The following SLAIN2 variants were observed in gnomAD, a reference collection of about 807,000 sequenced individuals.
SLAIN2 encodes SLAIN family member 2, also known as SLAIN motif-containing protein 2.
In SLAIN2, 31 loss-of-function variants were observed where a neutral mutation model predicts 56.6. The observed-to-expected ratio is 0.55, with a 90% confidence interval of 0.41 to 0.74. The LOEUF (loss-of-function observed/expected upper bound fraction) is 0.74, where lower values mean the gene tolerates loss of function less well. Ranked by LOEUF, SLAIN2 falls within the 30% of genes least tolerant of loss-of-function variation. The pLI, the probability that SLAIN2 is intolerant of heterozygous loss-of-function variation, is 0.00. For missense variants in SLAIN2, 777 were observed against 754.2 expected (o/e 1.03, Z -0.35); for synonymous variants, 317 against 284.9 (o/e 1.11, Z -1.13).
At chr4:48,363,546 C>A (rs1185241529) in intron 1 of SLAIN2, among the ~76,000 whole-genome samples, 1 of 86,464 alleles carries the variant, frequency 1.2e-5, no homozygotes, top group Non-Finnish European at 2.6e-5. Flanking sequence ...ACCTCCCAGA[C>A]GGGGCGGCTG....
rs1714700150 is a variant in SLAIN2, at chr4:48,341,597, G to GGACCCTGGCGGTGGGGC, written c.-142_-126dup. On this transcript the variant is annotated 5_prime_UTR_variant, in exon 1 of 8. An upstream open reading frame in the 5' UTR loses its in-frame stop. Transcript: ENST00000264313. ...CGGCGCTTTGGAACCCGAGGTGGGG[G>GGACCCTGGCGGTGGGGC]GACCCTGGCGGTGGGGCCTGGTCCT... is the stretch of plus-strand genomic sequence containing the variant. 2 of 1,267,626 alleles carry GGACCCTGGCGGTGGGGC rather than the reference G, an allele frequency of 1.6e-6. No individual in the cohort carries two copies. Among genetic ancestry groups the GGACCCTGGCGGTGGGGC allele is most frequent in the African/African-American group, 1.6e-5 (1 of 63,310 alleles). 78.5% of individuals were successfully genotyped at this position (1,267,626 alleles called of 1,614,324 possible).
intron 1 of SLAIN2, among the ~76,000 whole-genome samples, chr4:48,343,680 G>C (rs919714313): frequency 6.6e-6 from 1 of 152,168 alleles, no homozygotes; most frequent in African/African-American, 2.4e-5. Flanking sequence ...AGGAAAGAGC[G>C]GGAAGGGCAT....
At chr4:48,380,726 A>G (rs1052941275) in intron 4 of SLAIN2, among the ~76,000 whole-genome samples, 1 of 152,162 alleles carries the variant, frequency 6.6e-6, no homozygotes, top group African/African-American at 2.4e-5. Context: ...CAACCTTTAC[A>G]ATGAAAAGAA....
chr4:48,379,540 C>T (rs1715917617), intron 3 of SLAIN2, 150 bp from the exon 4 acceptor site: 1 of 614,438 alleles, frequency 1.6e-6, no homozygotes, highest in African/African-American at 1.9e-5. Context: ...TTAATGAGGT[C>T]AATTTCTAAT....
At chr4:48,400,010 G>C (rs1716505490) in intron 6 of SLAIN2, among the ~76,000 whole-genome samples, 1 of 152,048 alleles carries the variant, frequency 6.6e-6, no homozygotes, top group Non-Finnish European at 1.5e-5. Context: ...GATGTTGCTG[G>C]CCTCATAAAA....
intron 6 of SLAIN2, among the ~76,000 whole-genome samples, chr4:48,419,755 C>A (rs558149969): frequency 6.6e-6 from 1 of 152,338 alleles, no homozygotes; most frequent in South Asian, 2.1e-4. Context: ...ATTTCAAATT[C>A]TAGACAACAG....
At chr4:48,408,344 G>C (rs879900689) in intron 6 of SLAIN2, among the ~76,000 whole-genome samples, 1 of 147,748 alleles carries the variant, frequency 6.8e-6, no homozygotes, top group African/African-American at 2.5e-5. Flanking sequence ...AATCTAAAAC[G>C]AACAAAAAAA....
At chr4:48,364,256 G>A (rs1215252098) in intron 1 of SLAIN2, among the ~76,000 whole-genome samples, 1 of 88,914 alleles carries the variant, frequency 1.1e-5, no homozygotes, top group Admixed American at 1.0e-4. Flanking sequence ...GGGCAGAGGC[G>A]CTCCCCACAT....
chr4:48,357,014 A>G (rs1461384313), intron 1 of SLAIN2, among the ~76,000 whole-genome samples: 1 of 151,994 alleles, frequency 6.6e-6, no homozygotes, highest in East Asian at 1.9e-4. Context: ...GTGCTTGAAA[A>G]TAGCTCTGTT....
intron 6 of SLAIN2, among the ~76,000 whole-genome samples, chr4:48,402,417 TC>T (rs1289932845): frequency 3.9e-5 from 6 of 152,190 alleles, no homozygotes; most frequent in African/African-American, 1.4e-4. Flanking sequence ...GGTACCCCAG[TC>T]ATTCATCGGT....
chr4:48,355,079 G>C (rs147703249), intron 1 of SLAIN2, among the ~76,000 whole-genome samples: 4,313 of 151,630 alleles, frequency 0.028, 75 homozygotes, highest in Admixed American at 0.044. Flanking sequence ...GTGGGGTTTC[G>C]CCATGTTGGC....
chr4:48,381,131 C>G (rs1715959906), intron 4 of SLAIN2, among the ~76,000 whole-genome samples: 1 of 152,240 alleles, frequency 6.6e-6, no homozygotes, highest in Middle Eastern at 3.4e-3. Context: ...TACTTTAGAA[C>G]AAGTTCTCTC....
At chr4:48,352,869 G>A (rs1715047002) in intron 1 of SLAIN2, among the ~76,000 whole-genome samples, 1 of 152,174 alleles carries the variant, frequency 6.6e-6, no homozygotes, top group Non-Finnish European at 1.5e-5. Context: ...ACGTGTTGTG[G>A]GAGGGACCTG....
chr4:48,364,934 C>G (rs1715470714), intron 1 of SLAIN2, among the ~76,000 whole-genome samples: 1 of 151,450 alleles, frequency 6.6e-6, no homozygotes, highest in Non-Finnish European at 1.5e-5. Flanking sequence ...CTAATTCAGT[C>G]TCTTTTATAA....
chr4:48,411,582 T>C (rs1236147280), intron 6 of SLAIN2, among the ~76,000 whole-genome samples: 3 of 149,394 alleles, frequency 2.0e-5, no homozygotes, highest in East Asian at 2.0e-4. Context: ...CCTGTTCTGC[T>C]CTATTTGGAT....
At chr4:48,386,927 T>C (rs753391899) in intron 6 of SLAIN2, among the ~76,000 whole-genome samples, 26 of 152,188 alleles carry the variant, frequency 1.7e-4, no homozygotes, top group Non-Finnish European at 3.7e-4. Context: ...ATAAAACTTA[T>C]GTATATTATA....
intron 1 of SLAIN2, among the ~76,000 whole-genome samples, chr4:48,352,963 T>C (rs1715051986): frequency 6.6e-6 from 1 of 152,172 alleles, no homozygotes; most frequent in Non-Finnish European, 1.5e-5. Context: ...CTGATAGTTT[T>C]ATCAGAGGTT....
intron 7 of SLAIN2, among the ~76,000 whole-genome samples, chr4:48,421,207 A>G (rs533616437): frequency 3.9e-5 from 6 of 152,102 alleles, no homozygotes; most frequent in South Asian, 4.2e-4. Flanking sequence ...GGGTTTTACC[A>G]TGTTGCCCAG....
chr4:48,381,398 G>A (rs1715967708), intron 4 of SLAIN2, among the ~76,000 whole-genome samples: 1 of 151,972 alleles, frequency 6.6e-6, no homozygotes, highest in African/African-American at 2.4e-5. Context: ...ACAACATTGT[G>A]TTTTGTAATG....
Sources: allele counts gnomAD v4.1 joint callset (sites outside exome capture counted in the v4.1 genomes callset), GRCh38; gene constraint gnomAD v4.1.1; transcripts MANE v1.5; gene names NCBI Gene and HGNC (gene_info 2026-07-23, HGNC 2026-07-21).